Variants in MITF observed in about 807,000 individuals in gnomAD.
The protein encoded by MITF is microphthalmia-associated transcription factor.
A neutral mutation model predicts 60.5 loss-of-function variants in MITF; 17 were observed. The observed-to-expected ratio is 0.28, with a 90% CI of 0.19 to 0.42. MITF has a LOEUF of 0.42. MITF is among the 10% of genes least tolerant of loss of function. MITF has a pLI of 1.00. For synonymous variants in MITF, 260 were observed against 248.5 expected (o/e 1.05, Z -0.43); for missense variants, 622 against 683.5 (o/e 0.91, Z 1.00).
chr3:69,751,039 A>G lies in MITF; in HGVS notation c.104+11338A>G, dbSNP rs567857636. Among the ~76,000 whole-genome samples the G allele has an allele frequency of 6.6e-5, 10 of 152,278 alleles. 1 individual carries two copies. The South Asian group carries it at 2.1e-3, about 32-fold the overall frequency. ...TTAGAGTTAACCTAGCTTTACTACC[A>G]TAAGGAGCCCTGGCCCAAATCTCAA... On this transcript the variant is annotated intron_variant, in intron 1 of 9. Coordinates refer to ENST00000352241, the MANE Select transcript of MITF (RefSeq NM_001354604.2).
intron 1 of MITF, among the ~76,000 whole-genome samples, chr3:69,796,517 T>TTTTTTTTTTTTTTTTGG: frequency 8.5e-6 from 1 of 117,346 alleles, no homozygotes; most frequent in South Asian, 2.8e-4. Flanking sequence ...TTTTTTTTTT[T>TTTTTTTTTTTTTTTTGG]GAGACGGAGT....
chr3:69,850,710 T>A (rs2063810291), intron 1 of MITF, among the ~76,000 whole-genome samples: 1 of 152,186 alleles, frequency 6.6e-6, no homozygotes, highest in Non-Finnish European at 1.5e-5. Flanking sequence ...GCATTTCCAT[T>A]CCCTGTGGCC....
At chr3:69,814,510 G>T (rs1328014368) in intron 1 of MITF, among the ~76,000 whole-genome samples, 1 of 151,904 alleles carries the variant, frequency 6.6e-6, no homozygotes, top group Non-Finnish European at 1.5e-5. Flanking sequence ...TTAATGTTTT[G>T]TAGAAACGGA....
rs1678779351 is a variant in MITF at position 69,814,540 on chromosome 3, G to A, written c.105-64594G>A. 2.6e-5 allele frequency among the ~76,000 whole-genome samples: 4 copies of A among 152,092 alleles called. No individual in the cohort carries two copies. In the South Asian group the frequency reaches 8.3e-4, roughly 32 times the overall value. ...AACGGAGTCTCCCTGTGTTGCCCAGGCTGGTCTCAAACTCCTGGGCTCAAG... is the reference window on the plus strand; with the variant it reads ...AACGGAGTCTCCCTGTGTTGCCCAGACTGGTCTCAAACTCCTGGGCTCAAG... On this transcript the variant is annotated intron_variant, in intron 1 of 9. Transcript: ENST00000352241.
At chr3:69,935,778 C>G (rs1024733452) in intron 2 of MITF, among the ~76,000 whole-genome samples, 2 of 152,106 alleles carry the variant, frequency 1.3e-5, no homozygotes, top group African/African-American at 4.8e-5. Context: ...GAAACTATAT[C>G]TGTTTGTTCA....
chr3:69,766,947 A>G (rs985589523), intron 1 of MITF, among the ~76,000 whole-genome samples: 2 of 152,166 alleles, frequency 1.3e-5, no homozygotes, highest in African/African-American at 4.8e-5. Context: ...ATATTCTATG[A>G]TGTTTCTTGG....
intron 1 of MITF, among the ~76,000 whole-genome samples, chr3:69,830,516 A>G (rs1046061856): frequency 1.3e-5 from 2 of 152,150 alleles, no homozygotes; most frequent in Non-Finnish European, 2.9e-5. Flanking sequence ...GTTCTGGCTT[A>G]TTGTTAACCC....
chr3:69,846,632 C>T (rs1193441707), intron 1 of MITF, among the ~76,000 whole-genome samples: 2 of 151,990 alleles, frequency 1.3e-5, no homozygotes, highest in African/African-American at 2.4e-5. Flanking sequence ...CTGGTCTCAA[C>T]ATGGTGAAAC....
intron 1 of MITF, among the ~76,000 whole-genome samples, chr3:69,825,190 A>G (rs1575772102): frequency 6.6e-6 from 1 of 152,280 alleles, no homozygotes; most frequent in East Asian, 1.9e-4. Flanking sequence ...TCCCATCAAT[A>G]GTATTATGGG....
chr3:69,956,379 C>A, intron 7 of MITF, 76 bp from the exon 8 acceptor site: 2 of 1,160,360 alleles, frequency 1.7e-6, no homozygotes, highest in Non-Finnish European at 2.6e-6. Flanking sequence ...TTAATATGCA[C>A]ATGCCTTTAA....
At chr3:69,860,424 G>A (rs1281008027) in intron 1 of MITF, among the ~76,000 whole-genome samples, 1 of 151,914 alleles carries the variant, frequency 6.6e-6, no homozygotes, top group Non-Finnish European at 1.5e-5. Context: ...GAAACCCCCC[G>A]TGTCTACTAA....
At chr3:69,915,821 C>G (rs1353341011) in intron 2 of MITF, among the ~76,000 whole-genome samples, 1 of 152,192 alleles carries the variant, frequency 6.6e-6, no homozygotes, top group African/African-American at 2.4e-5. Context: ...GCCTTGCCCA[C>G]TCCCTGTGGT....
rs111324484 is a variant in MITF, at chr3:69,859,743, A to G, written c.105-19391A>G. ...ACACCCCTAAAAGATAGGCAGAGACATTCATATTCTTATTGTCCTTCAATA... is the reference window on the plus strand; with the variant it reads ...ACACCCCTAAAAGATAGGCAGAGACGTTCATATTCTTATTGTCCTTCAATA... On this transcript the variant is annotated intron_variant, in intron 1 of 9. Transcript: ENST00000352241. Among the ~76,000 whole-genome samples, 6 of 152,296 alleles carry G rather than the reference A, an allele frequency of 3.9e-5. 1 individual carries two copies. Among genetic ancestry groups the G allele is most frequent in the African/African-American group, 1.4e-4 (6 of 41,566 alleles).
chr3:69,914,993 G>T (rs769287770), intron 2 of MITF, among the ~76,000 whole-genome samples: 1 of 152,088 alleles, frequency 6.6e-6, no homozygotes, highest in Non-Finnish European at 1.5e-5. Flanking sequence ...AAGCACAAGG[G>T]GGAGATATAA....
At chr3:69,841,869 A>G (rs1319828262) in intron 1 of MITF, among the ~76,000 whole-genome samples, 1 of 152,214 alleles carries the variant, frequency 6.6e-6, no homozygotes, top group East Asian at 1.9e-4. Context: ...CTGAAAGGAA[A>G]AATATCAAAA....
intron 2 of MITF, among the ~76,000 whole-genome samples, chr3:69,895,805 T>C (rs945422245): frequency 7.9e-6 from 1 of 127,324 alleles, no homozygotes; most frequent in Non-Finnish European, 1.7e-5. Flanking sequence ...AATTGTGGAG[T>C]GTTTGTGTGT....
At position 69,845,931 on chromosome 3, in the gene MITF, A is replaced by T. The variant is rs144303232; in HGVS notation, c.105-33203A>T. ...GGTAAAAAGAACACTAGGTTAATTCATTCACCAAATGTTTATTGAGCACCT... is the reference window on the plus strand; with the variant it reads ...GGTAAAAAGAACACTAGGTTAATTCTTTCACCAAATGTTTATTGAGCACCT... On this transcript the variant is annotated intron_variant, in intron 1 of 9. Coordinates refer to ENST00000352241, the MANE Select transcript of MITF (RefSeq NM_001354604.2). Among the ~76,000 whole-genome samples, 299 of 152,326 alleles carry T rather than the reference A, an allele frequency of 2.0e-3. 4 individuals are homozygous for T. The highest frequency in any genetic ancestry group is 6.9e-3 in the African/African-American group (286 of 41,572).
chr3:69,835,191 T>C (rs537269022), intron 1 of MITF, among the ~76,000 whole-genome samples: 2 of 152,152 alleles, frequency 1.3e-5, no homozygotes, highest in East Asian at 3.9e-4. Context: ...CTGATTTTTG[T>C]AGTTTTTGTA....
At chr3:69,824,188 C>T (rs906346469) in intron 1 of MITF, among the ~76,000 whole-genome samples, 1 of 152,068 alleles carries the variant, frequency 6.6e-6, no homozygotes, top group Non-Finnish European at 1.5e-5. Context: ...TTTGAATGTA[C>T]CCCAGGAAAC....
Sources: gnomAD v4.1 joint callset for allele counts (sites outside exome capture counted in the v4.1 genomes callset) on GRCh38, gnomAD v4.1.1 for gene constraint, MANE v1.5 for transcripts, NCBI Gene and HGNC (gene_info 2026-07-23, HGNC 2026-07-21) for gene names.